Variants in ACACA observed in about 807,000 individuals in gnomAD.
ACACA encodes acetyl-CoA carboxylase alpha.
ACACA carries 103 observed loss-of-function variants against 296.1 expected under a neutral mutation model. The observed-to-expected ratio is 0.35, with a 90% CI of 0.30 to 0.41. The LOEUF is 0.41. Ranked by LOEUF, ACACA falls within the 10% of genes least tolerant of loss-of-function variation. The probability of loss-of-function intolerance (pLI) is 1.00; values close to 1 mark genes in which losing one functional copy is unlikely to be tolerated. For missense variants in ACACA, 1,554 were observed against 2,989.7 expected, an observed-to-expected ratio of 0.52 and a Z score of 11.20; for synonymous variants, 953 against 1,038.6, an observed-to-expected ratio of 0.92 and a Z score of 1.58.
intron 3 of ACACA, among the ~76,000 whole-genome samples, chr17:37,325,467 C>A (rs994430497): frequency 6.6e-6 from 1 of 151,502 alleles, no homozygotes; most frequent in Non-Finnish European, 1.5e-5. Context: ...ATATCAACCT[C>A]TAGCTGATCA....
At position 37,234,999 on chromosome 17, in the gene ACACA, C is replaced by T; in HGVS notation, c.3222G>A (p.Lys1074=). 1 of 1,613,698 alleles carries T rather than the reference C, an allele frequency of 6.2e-7. No individual in the cohort carries two copies. The highest frequency in any genetic ancestry group is 2.2e-5 in the East Asian group (1 of 44,820). Residue 1074 remains lysine (K), a synonymous_variant, in exon 25 of 56, where the codon AAG becomes AAA. Coordinates refer to ENST00000616317, the MANE Select transcript of ACACA (RefSeq NM_198834.3). ...CAATAAGCATTGTGACCAGAAGATT[C>T]TTCTTGGTGACTTGAGCGTGAGAGA... is the stretch of plus-strand genomic sequence containing the variant. ...YIFSHAQVTK[K]NLLVTMLIDQ... is the part of the protein sequence containing the mutation.
chr17:37,123,914 C>T (rs1285018463), intron 48 of ACACA, among the ~76,000 whole-genome samples: 1 of 152,148 alleles, frequency 6.6e-6, no homozygotes, highest in Non-Finnish European at 1.5e-5. Context: ...ATTTATTGAA[C>T]TTGAAAACAG....
At chr17:37,129,295 G>A (rs2074975008) in intron 47 of ACACA, 70 bp downstream of exon 47, 2 of 1,584,942 alleles carry the variant, frequency 1.3e-6, no homozygotes, top group Non-Finnish European at 1.7e-6. Context: ...TTCAGGAATT[G>A]GATAGTGATT....
chr17:37,236,177 C>G lies in ACACA; in HGVS notation c.3122-1078G>C, dbSNP rs189667821. 4.6e-5 allele frequency among the ~76,000 whole-genome samples: 7 copies of G among 152,230 alleles called. No individual in the cohort carries two copies. The East Asian group carries it at 1.4e-3, about 29-fold the overall frequency. The stretch of plus-strand genomic sequence containing the variant: ...AGTACACTGGACCAGTGTAACCAGG[C>G]TTTTAATTATTCTAAATATTAGAGA... On this transcript the variant is annotated intron_variant, in intron 24 of 55. Coordinates refer to ENST00000616317, the MANE Select transcript of ACACA (RefSeq NM_198834.3).
chr17:37,401,217 CAG>C (rs2051277315), intron 1 of ACACA, among the ~76,000 whole-genome samples: 1 of 139,228 alleles, frequency 7.2e-6, no homozygotes, highest in Admixed American at 7.7e-5. Context: ...TTTTTTGAGA[CAG>C]AGTCTTGCTG....
intron 1 of ACACA, among the ~76,000 whole-genome samples, chr17:37,341,800 G>A (rs960532819): frequency 6.6e-6 from 1 of 151,744 alleles, no homozygotes; most frequent in Non-Finnish European, 1.5e-5. Context: ...ATAAACCAAC[G>A]ATTCTTAAAA....
chr17:37,141,089 T>G, intron 45 of ACACA: 3 of 444,434 alleles, frequency 6.8e-6, no homozygotes, highest in Non-Finnish European at 1.3e-5. Context: ...TTGTAGTCCC[T>G]GATGGCAACA....
chr17:37,241,798 C>T (rs561660791), intron 23 of ACACA, among the ~76,000 whole-genome samples, 155 bp downstream of exon 23: 1 of 152,224 alleles, frequency 6.6e-6, no homozygotes, highest in South Asian at 2.1e-4. Context: ...GCTCACAATT[C>T]TAAGATATTT....
At chr17:37,136,316 C>A (rs2075332122) in intron 45 of ACACA, among the ~76,000 whole-genome samples, 1 of 152,094 alleles carries the variant, frequency 6.6e-6, no homozygotes, top group African/African-American at 2.4e-5. Flanking sequence ...AGTACATAGC[C>A]TTTTGAATCT....
chr17:37,394,965 CAAAAGTA>C (rs2051029256), intron 1 of ACACA, among the ~76,000 whole-genome samples: 1 of 151,486 alleles, frequency 6.6e-6, no homozygotes, highest in Non-Finnish European at 1.5e-5. Context: ...AGAAAATACT[CAAAAGTA>C]TAAAGAATAA....
At position 37,268,743 on chromosome 17, in the gene ACACA, A is replaced by ATATATATATATATATATATATATC. The variant is rs1555623158; in HGVS notation, c.1119+2007_1119+2008insGATATATATATATATATATATATA. On this transcript the variant is annotated intron_variant, in intron 10 of 55. Coordinates refer to ENST00000616317, the MANE Select transcript of ACACA (RefSeq NM_198834.3). ...TATCTATCTATCTATCTATCTATCT[A>ATATATATATATATATATATATATC]TATATATATATATATATATATATAT... is the stretch of plus-strand genomic sequence containing the variant. 5.0e-4 allele frequency among the ~76,000 whole-genome samples: 51 copies of ATATATATATATATATATATATATC among 102,038 alleles called. No homozygotes were observed. The East Asian group carries it at 0.015, about 30-fold the overall frequency. 66.9% of individuals were successfully genotyped at this position (102,038 alleles called of 152,430 possible).
chr17:37,105,800 G>A (rs535460803), intron 52 of ACACA, among the ~76,000 whole-genome samples: 1 of 150,810 alleles, frequency 6.6e-6, no homozygotes, highest in African/African-American at 2.4e-5. Flanking sequence ...GGAGGCAGAG[G>A]TTGCAGTGAG....
At chr17:37,349,424 A>C (rs913732647) in intron 1 of ACACA, among the ~76,000 whole-genome samples, 56 of 148,004 alleles carry the variant, frequency 3.8e-4, no homozygotes, top group Admixed American at 1.2e-3. Context: ...TATTATATAT[A>C]CATATATCTT....
chr17:37,211,043 T>C (rs192432898), intron 29 of ACACA, among the ~76,000 whole-genome samples: 38 of 152,276 alleles, frequency 2.5e-4, no homozygotes, highest in African/African-American at 8.2e-4. Context: ...GGTTCCCAGC[T>C]ACCTGTTCTA....
chr17:37,390,304 T>TTATATATATATA (rs1189193698), intron 1 of ACACA, among the ~76,000 whole-genome samples: 4 of 17,974 alleles, frequency 2.2e-4, no homozygotes, highest in Non-Finnish European at 3.2e-4. Context: ...TTATACATAA[T>TTATATATATATA]TATATATATA....
At chr17:37,386,055 A>G (rs1202614343) in intron 1 of ACACA, 3 of 1,606,326 alleles carry the variant, frequency 1.9e-6, no homozygotes, top group African/African-American at 1.3e-5. Context: ...GGGCTTCATC[A>G]GAGACTTTTC....
intron 52 of ACACA, among the ~76,000 whole-genome samples, chr17:37,109,502 A>T (rs2073869043): frequency 6.6e-6 from 1 of 152,228 alleles, no homozygotes; most frequent in Non-Finnish European, 1.5e-5. Flanking sequence ...TCATGTTCCC[A>T]AGCTGCCCTA....
chr17:37,198,053 C>T (rs978561588), intron 35 of ACACA, among the ~76,000 whole-genome samples: 1 of 152,076 alleles, frequency 6.6e-6, no homozygotes, highest in Non-Finnish European at 1.5e-5. Flanking sequence ...AAACCTAGAT[C>T]CAGAAATATC....
intron 54 of ACACA, among the ~76,000 whole-genome samples, chr17:37,096,509 C>T (rs760661301): frequency 2.6e-5 from 4 of 152,216 alleles, no homozygotes; most frequent in East Asian, 1.9e-4. Flanking sequence ...TTTCCAGCCT[C>T]TCCTGAGACA....
Sources: gnomAD v4.1 joint callset for allele counts (sites outside exome capture counted in the v4.1 genomes callset) on GRCh38, gnomAD v4.1.1 for gene constraint, MANE v1.5 for transcripts, NCBI Gene and HGNC (gene_info 2026-07-23, HGNC 2026-07-21) for gene names.